The following WASF3 variants were observed in gnomAD, a reference collection of about 807,000 sequenced individuals.
WASF3 encodes actin-binding protein WASF3.
Under a neutral mutation model 46.6 loss-of-function variants are expected in WASF3, and 11 were observed. The observed-to-expected ratio is 0.24, with a 90% confidence interval of 0.15 to 0.39. The LOEUF (loss-of-function observed/expected upper bound fraction) is 0.39. WASF3 is among the 10% of genes least tolerant of loss of function. The pLI, the probability that WASF3 is intolerant of heterozygous loss-of-function variation, is 1.00. For synonymous variants in WASF3, 242 were observed against 259.7 expected (o/e 0.93, Z 0.65); for missense variants, 576 against 669.8 (o/e 0.86, Z 1.55).
chr13:26,577,004 A>C, intron 1 of WASF3: 1 of 713,258 alleles, frequency 1.4e-6, no homozygotes, highest in Non-Finnish European at 2.5e-6. Flanking sequence ...TCTGTGTTCA[A>C]TATAAGGAAT....
At chr13:26,584,628 GTC>G (rs1268219549) in intron 1 of WASF3, among the ~76,000 whole-genome samples, 1 of 152,122 alleles carries the variant, frequency 6.6e-6, no homozygotes, top group Admixed American at 6.5e-5. Flanking sequence ...AAGATGATTT[GTC>G]TTGAGTTTAA....
chr13:26,599,002 CT>C (rs1880562195), intron 1 of WASF3, among the ~76,000 whole-genome samples: 1 of 152,034 alleles, frequency 6.6e-6, no homozygotes, highest in South Asian at 2.1e-4. Flanking sequence ...TCATGAGTAG[CT>C]GGGATTACAC....
the WASF3 span, among the ~76,000 whole-genome samples, chr13:26,544,033 G>T: frequency 6.6e-6 from 1 of 152,194 alleles, no homozygotes; most frequent in Non-Finnish European, 1.5e-5. Flanking sequence ...ATGCATGCTT[G>T]TATGTAACTG....
At chr13:26,565,651 A>T (rs181559545) in intron 1 of WASF3, among the ~76,000 whole-genome samples, 1 of 152,244 alleles carries the variant, frequency 6.6e-6, no homozygotes, top group East Asian at 1.9e-4. Context: ...ACCTGTCTTG[A>T]GATTTTAATT....
At chr13:26,584,918 A>T (rs908116895) in intron 1 of WASF3, among the ~76,000 whole-genome samples, 2 of 152,188 alleles carry the variant, frequency 1.3e-5, no homozygotes, top group Admixed American at 6.5e-5. Context: ...CTCTGCTGAT[A>T]GTTCTGATAA....
intron 1 of WASF3, among the ~76,000 whole-genome samples, chr13:26,579,476 A>G (rs888281594): frequency 6.6e-6 from 1 of 152,178 alleles, no homozygotes; most frequent in African/African-American, 2.4e-5. Flanking sequence ...CTGAAGTGCC[A>G]AGGATAGGAA....
At chr13:26,678,457 G>GACTTTACAAA (rs1883129303) in intron 7 of WASF3, among the ~76,000 whole-genome samples, 1 of 151,806 alleles carries the variant, frequency 6.6e-6, no homozygotes, top group Non-Finnish European at 1.5e-5. Flanking sequence ...TTACAAAATT[G>GACTTTACAAA]GAGTCATGCC....
Position 26,566,371 on chromosome 13 carries a change from A to G in WASF3, c.-109+8552A>G, listed in dbSNP as rs564377287. ...TAGCTTATAGGAAGTGCTCACAGTA[A>G]TAAAGCTAAATATAAAGAATGAGAA... On this transcript the variant is annotated intron_variant, in intron 1 of 9. Transcript: ENST00000335327. Among the ~76,000 whole-genome samples, 235 of 152,348 alleles carry G rather than the reference A, an allele frequency of 1.5e-3. 2 individuals are homozygous for G. The highest frequency in any genetic ancestry group is 5.5e-3 in the African/African-American group (227 of 41,584).
intron 1 of WASF3, among the ~76,000 whole-genome samples, chr13:26,581,292 A>G (rs979266711): frequency 6.6e-6 from 1 of 152,142 alleles, no homozygotes; most frequent in African/African-American, 2.4e-5. Context: ...AGGAAACCAT[A>G]TGTGAATGGA....
chr13:26,657,848 C>T (rs564322704), intron 3 of WASF3, among the ~76,000 whole-genome samples: 5 of 152,182 alleles, frequency 3.3e-5, no homozygotes, highest in Non-Finnish European at 7.3e-5. Context: ...AAATATAGCT[C>T]TTTCCATTTT....
the WASF3 span, among the ~76,000 whole-genome samples, chr13:26,546,396 A>G: frequency 1.3e-5 from 2 of 152,250 alleles, no homozygotes; most frequent in African/African-American, 2.4e-5. Flanking sequence ...AAAAAACGTA[A>G]AAACAAAAAT....
intron 3 of WASF3, among the ~76,000 whole-genome samples, chr13:26,651,251 G>T (rs1882308092): frequency 6.6e-6 from 1 of 152,100 alleles, no homozygotes; most frequent in South Asian, 2.1e-4. Flanking sequence ...GATCCTGGTG[G>T]CAGAAGTTAT....
At position 26,681,559 on chromosome 13, in the gene WASF3, T is replaced by A. The variant is rs529790285; in HGVS notation, c.983+239T>A. 8.5e-5 allele frequency among the ~76,000 whole-genome samples: 13 copies of A among 152,282 alleles called. No homozygotes were observed. In the East Asian group the frequency reaches 2.1e-3, roughly 25 times the overall value. On this transcript the variant is annotated intron_variant, in intron 8 of 9. Transcript: ENST00000335327. The stretch of plus-strand genomic sequence containing the variant: ...TGCATGTGTGTTCCCTCACACACAC[T>A]CTGGGTGTTTGAATGGCTCTTTAAG...
intron 6 of WASF3, among the ~76,000 whole-genome samples, chr13:26,674,199 C>A (rs531503206): frequency 3.9e-5 from 6 of 152,240 alleles, no homozygotes; most frequent in African/African-American, 1.2e-4. Flanking sequence ...GGAGGCTGAA[C>A]CATGGTGAAG....
At chr13:26,555,011 C>T (rs1435682912), upstream of WASF3, among the ~76,000 whole-genome samples, 2 of 152,202 alleles carry the variant, frequency 1.3e-5, no homozygotes, top group South Asian at 2.1e-4. Flanking sequence ...AATGGATGGG[C>T]ATTCCTGTTG....
chr13:26,593,998 T>C (rs1880381105), intron 1 of WASF3, among the ~76,000 whole-genome samples: 1 of 152,250 alleles, frequency 6.6e-6, no homozygotes, highest in Non-Finnish European at 1.5e-5. Context: ...TTTGTGTTCA[T>C]TCCTTTATTC....
intron 2 of WASF3, among the ~76,000 whole-genome samples, chr13:26,634,469 G>T (rs905847200): frequency 6.6e-6 from 1 of 152,122 alleles, no homozygotes; most frequent in Admixed American, 6.5e-5. Flanking sequence ...TTTAATTGGG[G>T]CATTTAGCCC....
chr13:26,579,830 A>C (rs1428706384), intron 1 of WASF3, among the ~76,000 whole-genome samples: 1 of 152,214 alleles, frequency 6.6e-6, no homozygotes, highest in African/African-American at 2.4e-5. Context: ...ATGAGCTCAG[A>C]GAAAGCAAAA....
the WASF3 span, among the ~76,000 whole-genome samples, chr13:26,546,928 T>C: frequency 6.6e-6 from 1 of 152,122 alleles, no homozygotes; most frequent in Non-Finnish European, 1.5e-5. Flanking sequence ...TTCATCAAGC[T>C]CATGCTTTTC....
Sources: gnomAD v4.1 joint callset for allele counts (sites outside exome capture counted in the v4.1 genomes callset) on GRCh38, gnomAD v4.1.1 for gene constraint, MANE v1.5 for transcripts, NCBI Gene and HGNC (gene_info 2026-07-23, HGNC 2026-07-21) for gene names.